Variants in SEMA3C observed in about 807,000 individuals in gnomAD.
SEMA3C encodes the protein semaphorin 3C.
SEMA3C carries 47 observed loss-of-function variants against 89.4 expected under a neutral mutation model. The observed-to-expected ratio is 0.53, with a 90% CI of 0.42 to 0.67. The LOEUF is 0.67. SEMA3C is among the 30% of genes least tolerant of loss of function. SEMA3C has a pLI of 0.00. For missense variants in SEMA3C, 839 were observed against 929.1 expected, an observed-to-expected ratio of 0.90 and a Z score of 1.26; for synonymous variants, 310 against 320.2, an observed-to-expected ratio of 0.97 and a Z score of 0.34.
At chr7:80,786,374 C>T (rs188190615) in intron 12 of SEMA3C, among the ~76,000 whole-genome samples, 1 of 150,220 alleles carries the variant, frequency 6.7e-6, no homozygotes, top group Non-Finnish European at 1.5e-5. Flanking sequence ...AGAAAATACA[C>T]ATATTTCATG....
chr7:80,838,847 T>A (rs1286451920), intron 2 of SEMA3C, among the ~76,000 whole-genome samples: 1 of 152,130 alleles, frequency 6.6e-6, no homozygotes, highest in Non-Finnish European at 1.5e-5. Flanking sequence ...TCCAATTACC[T>A]CCCACCAGTT....
chr7:80,768,790 G>C (rs887773525), intron 12 of SEMA3C, among the ~76,000 whole-genome samples: 1 of 151,670 alleles, frequency 6.6e-6, no homozygotes, highest in Admixed American at 6.6e-5. Flanking sequence ...CAAGATTTGT[G>C]TGTGTGTGTG....
intron 4 of SEMA3C, among the ~76,000 whole-genome samples, chr7:80,825,286 T>A (rs1345025047): frequency 1.3e-5 from 2 of 152,152 alleles, no homozygotes; most frequent in African/African-American, 4.8e-5. Flanking sequence ...ACCAAACATG[T>A]ATTTTTTGAT....
intron 2 of SEMA3C, chr7:80,847,280 A>G (rs902445349): frequency 2.0e-5 from 3 of 152,200 alleles, no homozygotes; most frequent in African/African-American, 7.2e-5. Flanking sequence ...ATTTGATGAA[A>G]GAATGGTATA....
intron 2 of SEMA3C, among the ~76,000 whole-genome samples, chr7:80,853,103 CA>C (rs1260984133): frequency 6.6e-6 from 1 of 151,954 alleles, no homozygotes; most frequent in African/African-American, 2.4e-5. Context: ...GGCTTTTATC[CA>C]AAAAACAGAC....
chr7:80,909,632 A>T (rs1792097547), intron 2 of SEMA3C, among the ~76,000 whole-genome samples: 1 of 152,058 alleles, frequency 6.6e-6, no homozygotes, highest in Non-Finnish European at 1.5e-5. Context: ...TGGATTTTTC[A>T]CTCTAAGGCA....
intron 2 of SEMA3C, among the ~76,000 whole-genome samples, chr7:80,907,572 T>C (rs985359204): frequency 2.0e-5 from 3 of 152,030 alleles, no homozygotes; most frequent in Admixed American, 6.6e-5. Context: ...ATTGTTTTTA[T>C]AAACAATCTA....
At chr7:80,754,957 G>GTTTTTTTTTTTGTTTTTTTTTTTTT (rs1788027360) in intron 15 of SEMA3C, among the ~76,000 whole-genome samples, 7 of 108,366 alleles carry the variant, frequency 6.5e-5, no homozygotes, top group Non-Finnish European at 1.3e-4. Context: ...GTTTTTTTTT[G>GTTTTTTTTTTTGTTTTTTTTTTTTT]TTTTTTTTTT....
intron 2 of SEMA3C, among the ~76,000 whole-genome samples, chr7:80,900,225 C>T (rs1366409218): frequency 3.9e-5 from 6 of 151,976 alleles, no homozygotes; most frequent in African/African-American, 9.7e-5. Flanking sequence ...GCCATTCTCC[C>T]GCCTCAGCCT....
At chr7:80,872,947 A>G (rs367642822) in intron 2 of SEMA3C, among the ~76,000 whole-genome samples, 100 of 151,290 alleles carry the variant, frequency 6.6e-4, no homozygotes, top group African/African-American at 2.3e-3. Context: ...AAAAAAAGAA[A>G]GCCACATCTT....
intron 16 of SEMA3C, among the ~76,000 whole-genome samples, chr7:80,749,863 A>G (rs1787885628): frequency 6.6e-6 from 1 of 152,148 alleles, no homozygotes; most frequent in African/African-American, 2.4e-5. Context: ...TCTGACACAA[A>G]GTCAGCATCA....
Position 80,896,733 on chromosome 7 carries a change from TC to T in SEMA3C, c.103+19945del, listed in dbSNP as rs371669653. Among the ~76,000 whole-genome samples the T allele has an allele frequency of 7.7e-4, 117 of 152,274 alleles. 4 individuals carry two copies. In the South Asian group the frequency reaches 0.023, roughly 30 times the overall value. ...AATTGTCTGTTGGGCCCTATTCTGG[TC>T]CTTGCCATGCTATGAACCAGCTAGC... On this transcript the variant is annotated intron_variant, in intron 2 of 17. Coordinates refer to ENST00000265361, the MANE Select transcript of SEMA3C (RefSeq NM_006379.5).
At chr7:80,759,089 A>G (rs2117048776) in intron 14 of SEMA3C, among the ~76,000 whole-genome samples, 1 of 152,256 alleles carries the variant, frequency 6.6e-6, no homozygotes, top group East Asian at 1.9e-4. Flanking sequence ...TGCTTGATCC[A>G]CTGATCTTCA....
chr7:80,800,876 G>A, intron 9 of SEMA3C, 50 bp from the exon 10 acceptor site: 1 of 1,257,452 alleles, frequency 8.0e-7, no homozygotes, highest in Non-Finnish European at 1.1e-6. Context: ...TAACTTCTTT[G>A]TTTTGAAAAA....
intron 2 of SEMA3C, among the ~76,000 whole-genome samples, chr7:80,910,461 A>G (rs1792117630): frequency 6.6e-6 from 1 of 152,202 alleles, no homozygotes; most frequent in East Asian, 1.9e-4. Context: ...CTCAGCACTT[A>G]GTTCTACCTT....
At chr7:80,789,197 G>A (rs1483280545) in intron 12 of SEMA3C, 109 bp downstream of exon 12, 7 of 825,768 alleles carry the variant, frequency 8.5e-6, no homozygotes, top group East Asian at 2.5e-5. Context: ...CTAGACAGAC[G>A]TAATTATTGG....
intron 17 of SEMA3C, among the ~76,000 whole-genome samples, chr7:80,745,808 T>C (rs904970248): frequency 2.3e-4 from 35 of 152,066 alleles, no homozygotes; most frequent in African/African-American, 8.0e-4. Flanking sequence ...GTCTTCTAAA[T>C]AAAAAATACA....
In SEMA3C at chr7:80,744,747, T is replaced by C; in HGVS notation, c.*147A>G. The C allele has an allele frequency of 1.3e-6, 1 of 798,676 alleles. No individual in the cohort carries two copies. Among genetic ancestry groups the C allele is most frequent in the Non-Finnish European group, 2.0e-6 (1 of 489,098 alleles). The allele number at this position is 798,676 out of a possible 1,614,324, so 49.5% of individuals were successfully genotyped here. ...CACTATCATACAAGAAAATGCATGC[T>C]CATTTCAGTTCGTGTAAAACTCACT... On this transcript the variant is annotated 3_prime_UTR_variant, in exon 18 of 18. Coordinates refer to ENST00000265361, the MANE Select transcript of SEMA3C (RefSeq NM_006379.5).
chr7:80,771,996 C>T (rs1466898855), intron 12 of SEMA3C, among the ~76,000 whole-genome samples: 2 of 152,078 alleles, frequency 1.3e-5, no homozygotes, highest in Admixed American at 1.3e-4. Context: ...ATAAAATCAC[C>T]ATATTTACTA....
Sources: gnomAD v4.1 joint callset for allele counts (sites outside exome capture counted in the v4.1 genomes callset) on GRCh38, gnomAD v4.1.1 for gene constraint, MANE v1.5 for transcripts, NCBI Gene and HGNC (gene_info 2026-07-23, HGNC 2026-07-21) for gene names.